Variants in CHODL observed in about 807,000 individuals in gnomAD.
CHODL encodes transmembrane protein MT75.
A neutral mutation model predicts 34.5 loss-of-function variants in CHODL; 29 were observed. That is an observed-to-expected ratio of 0.84 (90% CI 0.63 to 1.15). The LOEUF is 1.15. Among genes scored for constraint, CHODL ranks in the 50% most tolerant of loss-of-function variants. The probability of loss-of-function intolerance (pLI) is 0.00; values close to 1 mark genes in which losing one functional copy is unlikely to be tolerated. For synonymous variants in CHODL, 125 were observed against 116.1 expected, an observed-to-expected ratio of 1.08 and a Z score of -0.49; for missense variants, 332 against 332.5, an observed-to-expected ratio of 1.00 and a Z score of 0.01.
At chr21:17,956,472 G>A (rs1475099077) in intron 1 of CHODL, among the ~76,000 whole-genome samples, 6 of 136,824 alleles carry the variant, frequency 4.4e-5, no homozygotes, top group African/African-American at 5.0e-5. Flanking sequence ...TTATTGCAAT[G>A]CAAGAACAAC....
At chr21:18,142,262 A>G (rs2072812753) in intron 2 of CHODL, among the ~76,000 whole-genome samples, 1 of 152,142 alleles carries the variant, frequency 6.6e-6, no homozygotes, top group African/African-American at 2.4e-5. Context: ...CATTCATGAG[A>G]AAAATGTTCT....
intron 2 of CHODL, among the ~76,000 whole-genome samples, chr21:18,103,183 G>C (rs763520907): frequency 6.6e-6 from 1 of 152,080 alleles, no homozygotes; most frequent in South Asian, 2.1e-4. Context: ...ATGGTTGTAA[G>C]AATGAAAGAA....
intron 1 of CHODL, among the ~76,000 whole-genome samples, chr21:17,996,905 G>A (rs942691207): frequency 6.6e-6 from 1 of 151,752 alleles, no homozygotes; most frequent in Non-Finnish European, 1.5e-5. Flanking sequence ...TTCTATGAGG[G>A]TAAAGATTAA....
At chr21:18,256,869 TAGAG>T in intron 2 of CHODL, 51 bp downstream of exon 2, 1 of 1,587,390 alleles carries the variant, frequency 6.3e-7, no homozygotes, top group Non-Finnish European at 8.6e-7. Flanking sequence ...ACTCCAAAGA[TAGAG>T]GGAGGACTCT....
intron 1 of CHODL, among the ~76,000 whole-genome samples, chr21:17,951,518 C>T (rs1330610829): frequency 6.6e-6 from 1 of 151,752 alleles, no homozygotes. Flanking sequence ...TAACAAAAGA[C>T]TGTATCCACA....
intron 2 of CHODL, among the ~76,000 whole-genome samples, chr21:18,142,842 T>C (rs577722069): frequency 2.0e-5 from 3 of 152,276 alleles, no homozygotes; most frequent in Non-Finnish European, 2.9e-5. Context: ...GTAAACACAG[T>C]TGACTGATTG....
rs5842674 is a variant in CHODL, at chr21:18,090,726, G to GAAAA, written c.-45+62772_-45+62775dup. Among the ~76,000 whole-genome samples the GAAAA allele has an allele frequency of 1.3e-3, 158 of 125,164 alleles. 3 individuals carry two copies. The highest frequency in any genetic ancestry group is 4.7e-3 in the African/African-American group (151 of 32,232). The allele number at this position is 125,164 out of a possible 152,430, so 82.1% of individuals were successfully genotyped here. On this transcript the variant is annotated intron_variant, in intron 2 of 6. Transcript: ENST00000400127. ...CAGAAACTTGCTATTATAATTTCCA[G>GAAAA]AAAAAAAAAAAAAAAAAAAACTAAG...
chr21:18,236,377 G>A (rs1000675706), intron 2 of CHODL, among the ~76,000 whole-genome samples: 7 of 151,992 alleles, frequency 4.6e-5, no homozygotes, highest in East Asian at 1.9e-4. Context: ...ATGAGACTTC[G>A]GTGGGGACAC....
intron 1 of CHODL, among the ~76,000 whole-genome samples, chr21:17,960,404 G>T (rs1340733941): frequency 6.6e-6 from 1 of 152,190 alleles, no homozygotes; most frequent in Non-Finnish European, 1.5e-5. Flanking sequence ...TGCCTAGCAT[G>T]CAGTGTTGCT....
intron 2 of CHODL, among the ~76,000 whole-genome samples, chr21:18,086,523 A>G (rs1278119109): frequency 2.0e-5 from 3 of 152,058 alleles, no homozygotes; most frequent in African/African-American, 4.8e-5. Context: ...GAAAATGTAC[A>G]TATGTTGTTG....
chr21:18,013,634 G>GTTTTTTTTTTTTTTTTTTTTT (rs1568844372), intron 1 of CHODL, among the ~76,000 whole-genome samples: 1 of 36,266 alleles, frequency 2.8e-5, no homozygotes, highest in Admixed American at 2.3e-4. Flanking sequence ...TGCTGCTGCT[G>GTTTTTTTTTTTTTTTTTTTTT]CTTTTTTTTT....
intron 1 of CHODL, among the ~76,000 whole-genome samples, chr21:18,018,774 A>G (rs1373124541): frequency 6.6e-6 from 1 of 152,188 alleles, no homozygotes; most frequent in South Asian, 2.1e-4. Flanking sequence ...AAAAGCCCCA[A>G]TTATTTTTGC....
intron 3 of CHODL, among the ~76,000 whole-genome samples, chr21:18,257,835 C>T (rs76027963): frequency 2.6e-4 from 40 of 152,234 alleles, no homozygotes; most frequent in African/African-American, 9.1e-4. Flanking sequence ...TTAACTAGGA[C>T]GGATCGTCTG....
intron 2 of CHODL, among the ~76,000 whole-genome samples, chr21:18,122,415 G>C (rs572885425): frequency 4.6e-5 from 7 of 152,244 alleles, no homozygotes; most frequent in African/African-American, 1.7e-4. Flanking sequence ...AGCAGTGTAA[G>C]GGGAAAGTTA....
intron 2 of CHODL, among the ~76,000 whole-genome samples, chr21:18,177,528 C>T (rs1176121633): frequency 6.6e-6 from 1 of 152,120 alleles, no homozygotes; most frequent in African/African-American, 2.4e-5. Context: ...TGATCTGACA[C>T]ATTGGGCAAT....
chr21:18,007,453 T>TC (rs1210018944), intron 1 of CHODL, among the ~76,000 whole-genome samples: 1 of 152,228 alleles, frequency 6.6e-6, no homozygotes, highest in Non-Finnish European at 1.5e-5. Context: ...GATAGTCTGG[T>TC]ATTTGCACTG....
chr21:17,989,895 T>G (rs1368575688), intron 1 of CHODL, among the ~76,000 whole-genome samples: 1 of 152,184 alleles, frequency 6.6e-6, no homozygotes, highest in Admixed American at 6.5e-5. Context: ...TTTTGGAAAC[T>G]TCTTGATTCT....
chr21:18,250,454 T>G (rs2074221729), intron 1 of CHODL, among the ~76,000 whole-genome samples: 1 of 151,810 alleles, frequency 6.6e-6, no homozygotes, highest in Non-Finnish European at 1.5e-5. Context: ...AAATTATAAA[T>G]AAAATTATAA....
intron 1 of CHODL, among the ~76,000 whole-genome samples, chr21:18,004,314 G>A (rs575317366): frequency 2.6e-5 from 4 of 152,262 alleles, no homozygotes; most frequent in African/African-American, 9.6e-5. Context: ...CACAAAGAAG[G>A]TTTTAGCCTC....
Sources: allele counts gnomAD v4.1 joint callset (sites outside exome capture counted in the v4.1 genomes callset), GRCh38; gene constraint gnomAD v4.1.1; transcripts MANE v1.5; gene names NCBI Gene and HGNC (gene_info 2026-07-23, HGNC 2026-07-21).